ALDH1A2: variants seen among roughly 807,000 people sequenced by gnomAD.
ALDH1A2 encodes the protein retinal dehydrogenase 2.
ALDH1A2 carries 27 observed loss-of-function variants against 60.3 expected under a neutral mutation model. The ratio of observed to expected loss-of-function variants is 0.45; its 90% CI spans 0.33 to 0.62. The LOEUF (loss-of-function observed/expected upper bound fraction) is 0.62, where lower values mean the gene tolerates loss of function less well. Among genes scored for constraint, ALDH1A2 ranks in the 20% least tolerant of loss-of-function variants. The pLI is 0.02. For missense variants in ALDH1A2, 581 were observed against 643.8 expected (o/e 0.90, Z 1.06); for synonymous variants, 289 against 232.4 (o/e 1.24, Z -2.21).
intron 4 of ALDH1A2, among the ~76,000 whole-genome samples, chr15:58,004,201 GCTCT>G (rs1223410325): frequency 8.6e-5 from 13 of 151,824 alleles, no homozygotes; most frequent in South Asian, 2.1e-4. Flanking sequence ...GCAGGTATTT[GCTCT>G]CTCTAACTGA....
At chr15:58,013,717 G>A (rs35929116) in intron 3 of ALDH1A2, 141 bp downstream of exon 3, 17,404 of 1,147,052 alleles carry the variant, frequency 0.015, 309 homozygotes, top group Admixed American at 0.1. Context: ...GTGCCACTGC[G>A]CTCCAGCCTG....
intron 7 of ALDH1A2, among the ~76,000 whole-genome samples, chr15:57,974,471 AT>A (rs1894176397): frequency 6.6e-6 from 1 of 151,604 alleles, no homozygotes; most frequent in Non-Finnish European, 1.5e-5. Context: ...ATAGACCCAT[AT>A]AAATATGGAA....
intron 4 of ALDH1A2, among the ~76,000 whole-genome samples, chr15:58,003,708 G>A (rs958407335): frequency 1.3e-5 from 2 of 151,972 alleles, no homozygotes; most frequent in African/African-American, 4.8e-5. Context: ...AGAGGTTGTA[G>A]ACGTGAGAGA....
At chr15:58,030,897 G>A (rs989548104) in intron 1 of ALDH1A2, among the ~76,000 whole-genome samples, 2 of 152,142 alleles carry the variant, frequency 1.3e-5, no homozygotes, top group African/African-American at 2.4e-5. Context: ...CAAACAGACG[G>A]AAGAACATTC....
chr15:58,065,328 T>G, intron 1 of ALDH1A2: 1 of 623,060 alleles, frequency 1.6e-6, no homozygotes, highest in Admixed American at 2.6e-5. Context: ...TTGGGTTAAG[T>G]CCCCAAGGCG....
chr15:58,041,645 C>G (rs1408938848), intron 1 of ALDH1A2, among the ~76,000 whole-genome samples: 1 of 151,892 alleles, frequency 6.6e-6, no homozygotes, highest in Admixed American at 6.6e-5. Context: ...TACAAGGACA[C>G]TAATCCCACT....
chr15:57,964,143 C>A, intron 8 of ALDH1A2, 74 bp from the exon 9 acceptor site: 1 of 1,524,568 alleles, frequency 6.6e-7, no homozygotes, highest in East Asian at 2.3e-5. Context: ...CCTCCCTCCC[C>A]TCTCCAAAGC....
intron 7 of ALDH1A2, among the ~76,000 whole-genome samples, chr15:57,966,437 C>A (rs1405041037): frequency 6.6e-6 from 1 of 152,136 alleles, no homozygotes; most frequent in African/African-American, 2.4e-5. Context: ...AAGCACTTGC[C>A]AATGAGTAGA....
intron 1 of ALDH1A2, among the ~76,000 whole-genome samples, chr15:58,042,915 C>T (rs530187974): frequency 6.6e-6 from 1 of 152,070 alleles, no homozygotes; most frequent in African/African-American, 2.4e-5. Flanking sequence ...AGTCTTCTCA[C>T]CTGGCCACTA....
intron 5 of ALDH1A2, among the ~76,000 whole-genome samples, chr15:57,994,437 T>C (rs1042295920): frequency 2.6e-5 from 4 of 152,180 alleles, no homozygotes; most frequent in Non-Finnish European, 5.9e-5. Flanking sequence ...CTGCCAGAAC[T>C]ATTAGCTAGT....
chr15:58,000,416 G>A (rs184158453), intron 4 of ALDH1A2, among the ~76,000 whole-genome samples: 67 of 151,938 alleles, frequency 4.4e-4, no homozygotes, highest in Admixed American at 1.9e-3. Context: ...CAGGGTTACC[G>A]TAAGACCAGT....
At chr15:57,982,464 T>C (rs1894548421) in intron 7 of ALDH1A2, among the ~76,000 whole-genome samples, 1 of 152,222 alleles carries the variant, frequency 6.6e-6, no homozygotes, top group African/African-American at 2.4e-5. Flanking sequence ...TATACTATTC[T>C]GTCAAACTTT....
At chr15:57,991,397 CAA>C (rs1353339250) in intron 7 of ALDH1A2, 73 of 152,204 alleles carry the variant, frequency 4.8e-4, no homozygotes, top group African/African-American at 1.6e-3. Flanking sequence ...TCGACAAACA[CAA>C]AACTCAGTAA....
chr15:57,987,037 A>T lies in ALDH1A2; in HGVS notation c.798+5668T>A, dbSNP rs183669005. ...GCGAGGAAGAAAATATAAGATATTT[A>T]AAAAATCATGGAATTTCTAGAACTT... On this transcript the variant is annotated intron_variant, in intron 7 of 12. Transcript: ENST00000249750. 3.3e-3 allele frequency among the ~76,000 whole-genome samples: 504 copies of T among 152,314 alleles called. 4 individuals are homozygous for T. The highest frequency in any genetic ancestry group is 0.011 in the African/African-American group (466 of 41,570).
At chr15:58,020,291 G>A (rs564699039) in intron 1 of ALDH1A2, among the ~76,000 whole-genome samples, 1 of 152,262 alleles carries the variant, frequency 6.6e-6, no homozygotes, top group East Asian at 1.9e-4. Context: ...ACGTGTGCAT[G>A]TATCTTTATA....
intron 4 of ALDH1A2, among the ~76,000 whole-genome samples, chr15:58,007,997 A>T (rs907156460): frequency 6.6e-6 from 1 of 152,132 alleles, no homozygotes; most frequent in Non-Finnish European, 1.5e-5. Flanking sequence ...GCACTAGACT[A>T]GCTAAAGACA....
At chr15:58,065,449 A>T in intron 1 of ALDH1A2, 85 bp downstream of exon 1, 3 of 1,192,938 alleles carry the variant, frequency 2.5e-6, no homozygotes, top group Non-Finnish European at 3.8e-6. Context: ...CCCGTCCCGC[A>T]GCCCTCACCC....
intron 1 of ALDH1A2, among the ~76,000 whole-genome samples, chr15:58,034,308 A>G (rs951859890): frequency 6.6e-6 from 1 of 151,768 alleles, no homozygotes; most frequent in Non-Finnish European, 1.5e-5. Context: ...ACTTTTGTAG[A>G]TTAACATAGA....
At chr15:58,056,659 TA>T (rs1566962857) in intron 1 of ALDH1A2, among the ~76,000 whole-genome samples, 4 of 152,062 alleles carry the variant, frequency 2.6e-5, no homozygotes, top group African/African-American at 9.7e-5. Context: ...AAATAACTGA[TA>T]AAAATTATAA....
Sources: gnomAD v4.1 joint callset for allele counts (sites outside exome capture counted in the v4.1 genomes callset) on GRCh38, gnomAD v4.1.1 for gene constraint, MANE v1.5 for transcripts, NCBI Gene and HGNC (gene_info 2026-07-23, HGNC 2026-07-21) for gene names.